PALM: variants seen among roughly 807,000 people sequenced by gnomAD.
The protein encoded by PALM is paralemmin-1.
PALM carries 18 observed loss-of-function variants against 30.7 expected under a neutral mutation model. The ratio of observed to expected loss-of-function variants is 0.59; its 90% CI spans 0.41 to 0.87. The LOEUF (loss-of-function observed/expected upper bound fraction) is 0.87. PALM is among the 40% of genes least tolerant of loss of function. The pLI is 0.00. For synonymous variants in PALM, 286 were observed against 242.8 expected (o/e 1.18, Z -1.66); for missense variants, 529 against 555.4 (o/e 0.95, Z 0.48).
chr19:737,168 G>C (rs921329238), intron 7 of PALM, among the ~76,000 whole-genome samples: 1 of 152,210 alleles, frequency 6.6e-6, no homozygotes, highest in Non-Finnish European at 1.5e-5. Context: ...GCACGGTCCA[G>C]GGTGGGGGTT....
At chr19:743,894 T>A in intron 8 of PALM, among the ~76,000 whole-genome samples, 1 of 152,108 alleles carries the variant, frequency 6.6e-6, no homozygotes, top group East Asian at 1.9e-4. Context: ...TGCTACCCAG[T>A]GGAGAATACA....
At chr19:717,449 A>C (rs1257728144) in intron 1 of PALM, among the ~76,000 whole-genome samples, 2 of 152,116 alleles carry the variant, frequency 1.3e-5, no homozygotes, top group African/African-American at 4.8e-5. Flanking sequence ...GATGTCCTCA[A>C]GGTGCATCCG....
rs1411110537 is a variant in PALM at position 709,620 on chromosome 19, G to A, written c.5+469G>A. On this transcript the variant is annotated intron_variant, in intron 1 of 8. Transcript: ENST00000338448. The surrounding 1 kb of genome is among the most constrained non-coding windows in gnomAD (Gnocchi z 4.3). ...CTCCTGGCGCCCTGGACGCGCGCGC[G>A]GGCCGGTGCCCCCCACCCCCGCCCT... Among the ~76,000 whole-genome samples, 1 of 151,768 alleles carries A rather than the reference G, an allele frequency of 6.6e-6. No homozygotes were observed. Among genetic ancestry groups the A allele is most frequent in the Admixed American group, 6.6e-5 (1 of 15,256 alleles).
At chr19:718,907 C>G (rs2032360711) in intron 1 of PALM, among the ~76,000 whole-genome samples, 1 of 151,956 alleles carries the variant, frequency 6.6e-6, no homozygotes, top group African/African-American at 2.4e-5. Flanking sequence ...GGTGCCAGCG[C>G]TCAGGGGAGA....
Position 709,995 on chromosome 19 carries a change from C to T in PALM, c.5+844C>T, listed in dbSNP as rs964761110. On this transcript the variant is annotated intron_variant, in intron 1 of 8. Coordinates refer to ENST00000338448, the MANE Select transcript of PALM (RefSeq NM_002579.3). The surrounding 1 kb of genome is among the most constrained non-coding windows in gnomAD (Gnocchi z 4.3). ...GTCCCCTCCTCCCGGTGCTCGGGTG[C>T]CCCTCTGCCCCTCACTCCCACAGGT... is the stretch of plus-strand genomic sequence containing the variant. 1.3e-5 allele frequency among the ~76,000 whole-genome samples: 2 copies of T among 152,132 alleles called. No individual in the cohort carries two copies. Among genetic ancestry groups the T allele is most frequent in the Admixed American group, 6.5e-5 (1 of 15,286 alleles).
rs572876106 is a variant in PALM at position 746,505 on chromosome 19, C to T, written c.855C>T (p.Ser285=). ...AGGCACAGCCAGGCGAGGCCACGTCCGGCCCGCCGGGGATCCAGCCCGGCC... is the reference window on the plus strand; with the variant it reads ...AGGCACAGCCAGGCGAGGCCACGTCTGGCCCGCCGGGGATCCAGCCCGGCC... The part of the protein sequence containing the change: ...GVQAQPGEAT[S]GPPGIQPGQE... Residue 285 remains serine, a synonymous_variant, in exon 9 of 9, where the codon TCC becomes TCT. Transcript: ENST00000338448. The surrounding 1 kb of genome is among the most constrained non-coding windows in gnomAD (Gnocchi z 7.1). 1.7e-5 allele frequency: 28 copies of T among 1,612,314 alleles called. No individual in the cohort carries two copies. The highest frequency in any genetic ancestry group is 3.3e-4 in the Middle Eastern group (2 of 6,056).
chr19:742,642 G>A lies in PALM; in HGVS notation c.634+2159G>A, dbSNP rs749014607. ...AAAGAAAGAAAAGAGAATAAATGGG[G>A]TCACACACTGCACGTGGCCTTCTGT... On this transcript the variant is annotated intron_variant, in intron 8 of 8. Transcript: ENST00000338448. The surrounding 1 kb of genome is among the most constrained non-coding windows in gnomAD (Gnocchi z 5.5). 6.6e-6 allele frequency among the ~76,000 whole-genome samples: 1 copy of A among 151,244 alleles called. No individual in the cohort carries two copies. The highest frequency in any genetic ancestry group is 1.5e-5 in the Non-Finnish European group (1 of 67,852).
At chr19:717,755 G>C (rs2032313716) in intron 1 of PALM, among the ~76,000 whole-genome samples, 1 of 151,046 alleles carries the variant, frequency 6.6e-6, no homozygotes, top group African/African-American at 2.4e-5. Context: ...AGGGGGCCGG[G>C]ATTGGGGGGA....
chr19:737,518 A>G (rs1443221135), intron 7 of PALM, among the ~76,000 whole-genome samples: 3 of 152,126 alleles, frequency 2.0e-5, no homozygotes, highest in African/African-American at 7.2e-5. Context: ...GAGGCCAAGG[A>G]CGTTGAGCTG....
chr19:713,210 G>A (rs976376325), intron 1 of PALM, among the ~76,000 whole-genome samples: 1 of 152,180 alleles, frequency 6.6e-6, no homozygotes, highest in African/African-American at 2.4e-5. Context: ...TCCTGGTGTC[G>A]GCTTTCAATC....
intron 3 of PALM, 91 bp from the exon 4 acceptor site, chr19:727,473 C>T (rs1599149893): frequency 3.6e-6 from 4 of 1,099,530 alleles, no homozygotes; most frequent in South Asian, 1.4e-5. Context: ...TGCCTCAACC[C>T]CGACCCTGAT....
intron 1 of PALM, among the ~76,000 whole-genome samples, chr19:713,719 CA>C: frequency 6.6e-6 from 1 of 151,950 alleles, no homozygotes; most frequent in Non-Finnish European, 1.5e-5. Flanking sequence ...GCTGGGACTA[CA>C]GGCATGCGCC....
At position 747,716 on chromosome 19, in the gene PALM, C is replaced by T. The variant is rs887443565; in HGVS notation, c.*902C>T. The T allele has an allele frequency of 2.4e-4, 37 of 152,896 alleles. No individual in the cohort carries two copies. The highest frequency in any genetic ancestry group is 8.4e-4 in the African/African-American group (35 of 41,560). 9.5% of individuals were successfully genotyped at this position (152,896 alleles called of 1,614,324 possible). A position where few individuals can be genotyped will look rare whatever the true frequency, so the allele number is the denominator to read the frequency against. ...TCCCAACCATACCCCGAGATCAGGCCCCACCTGCCAGCTCTACTGGGCTTG... is the reference window on the plus strand; with the variant it reads ...TCCCAACCATACCCCGAGATCAGGCTCCACCTGCCAGCTCTACTGGGCTTG... On this transcript the variant is annotated 3_prime_UTR_variant, in exon 9 of 9. Transcript: ENST00000338448.
chr19:733,998 A>G (rs2032946530), intron 5 of PALM, among the ~76,000 whole-genome samples, 175 bp from the exon 6 acceptor site: 2 of 152,106 alleles, frequency 1.3e-5, no homozygotes, highest in African/African-American at 2.4e-5. Context: ...ATAAAAAGAA[A>G]AAAGAAAGAT....
At chr19:734,297 C>G (rs762819504) in intron 6 of PALM, 103 bp downstream of exon 6, 7 of 1,097,744 alleles carry the variant, frequency 6.4e-6, no homozygotes, top group Non-Finnish European at 9.5e-6. Context: ...CGGTGCCTCA[C>G]GCCTGTGATC....
intron 1 of PALM, chr19:719,301 G>T: frequency 2.0e-6 from 2 of 985,338 alleles, no homozygotes; most frequent in Non-Finnish European, 2.4e-6. Flanking sequence ...GCCCCGCACC[G>T]CGGAGGCCTC....
intron 2 of PALM, 23 bp from the exon 3 acceptor site, chr19:726,985 A>AGTCCCCC: frequency 1.1e-6 from 1 of 945,364 alleles, no homozygotes; most frequent in Non-Finnish European, 1.6e-6. Context: ...CCCATCCCTG[A>AGTCCCCC]CCCCACCCGG....
At chr19:726,985 A>ACCCCCCCCC in intron 2 of PALM, 23 bp from the exon 3 acceptor site, 1 of 945,366 alleles carries the variant, frequency 1.1e-6, no homozygotes, top group Non-Finnish European at 1.6e-6. Context: ...CCCATCCCTG[A>ACCCCCCCCC]CCCCACCCGG....
intron 5 of PALM, among the ~76,000 whole-genome samples, chr19:733,890 G>A (rs2032943336): frequency 6.6e-6 from 1 of 152,186 alleles, no homozygotes; most frequent in Admixed American, 6.5e-5. Context: ...GGAGGCTGAG[G>A]CACGAGAATC....
Sources: allele counts gnomAD v4.1 joint callset (sites outside exome capture counted in the v4.1 genomes callset), GRCh38; gene constraint gnomAD v4.1.1; non-coding constraint Gnocchi (gnomAD v3.1); transcripts MANE v1.5; gene names NCBI Gene and HGNC (gene_info 2026-07-23, HGNC 2026-07-21).